The following CMSS1 variants were observed in gnomAD, a reference collection of about 807,000 sequenced individuals.
The protein encoded by CMSS1 is cms1 ribosomal small subunit homolog.
In CMSS1, 33 loss-of-function variants were observed where a neutral mutation model predicts 43.5. The observed-to-expected ratio is 0.76, with a 90% CI of 0.57 to 1.01. The LOEUF (loss-of-function observed/expected upper bound fraction) is 1.01. Ranked by LOEUF, CMSS1 falls within the 50% of genes least tolerant of loss-of-function variation. CMSS1 has a pLI of 0.00. For missense variants in CMSS1, 313 were observed against 326.4 expected, an observed-to-expected ratio of 0.96 and a Z score of 0.32; for synonymous variants, 115 against 117.2, an observed-to-expected ratio of 0.98 and a Z score of 0.12.
In CMSS1 at chr3:100,062,134, C is replaced by T. The variant is rs1244285930; in HGVS notation, c.65-84839C>T. 8.5e-5 allele frequency among the ~76,000 whole-genome samples: 6 copies of T among 70,900 alleles called. 1 individual carries two copies. The highest frequency in any genetic ancestry group is 3.8e-4 in the Admixed American group (2 of 5,258). 46.5% of individuals were successfully genotyped at this position (70,900 alleles called of 152,430 possible). ...TTTTTTTTTTTTTTTTTTTTTGAGACGGAGTGTTGCTCTGTCCCCCAGGCT... is the reference window on the plus strand; with the variant it reads ...TTTTTTTTTTTTTTTTTTTTTGAGATGGAGTGTTGCTCTGTCCCCCAGGCT... On this transcript the variant is annotated intron_variant, in intron 1 of 9. Transcript: ENST00000421999.
chr3:99,995,639 G>C (rs1195919563), intron 1 of CMSS1, among the ~76,000 whole-genome samples: 1 of 152,218 alleles, frequency 6.6e-6, no homozygotes, highest in Non-Finnish European at 1.5e-5. Context: ...GCAAACTTCT[G>C]CCTGGGCATC....
chr3:100,037,975 G>T (rs1214338304), intron 1 of CMSS1, among the ~76,000 whole-genome samples: 1 of 141,648 alleles, frequency 7.1e-6, no homozygotes, highest in East Asian at 2.1e-4. Context: ...AGGGAACAGA[G>T]TCTCAAATCT....
At chr3:100,137,889 A>G (rs1355040693) in intron 1 of CMSS1, among the ~76,000 whole-genome samples, 1 of 152,146 alleles carries the variant, frequency 6.6e-6, no homozygotes, top group Non-Finnish European at 1.5e-5. Flanking sequence ...TTTAAAACAC[A>G]AGTTTATGAC....
At chr3:100,012,530 G>A (rs1330971648) in intron 1 of CMSS1, among the ~76,000 whole-genome samples, 2 of 151,910 alleles carry the variant, frequency 1.3e-5, no homozygotes, top group Non-Finnish European at 2.9e-5. Flanking sequence ...AGAAACTTAT[G>A]GGAATAAGAA....
intron 1 of CMSS1, among the ~76,000 whole-genome samples, chr3:99,902,731 A>T (rs1160341861): frequency 6.6e-6 from 1 of 152,198 alleles, no homozygotes; most frequent in East Asian, 1.9e-4. Context: ...AAAATCAGGC[A>T]TATCCATGTT....
At chr3:99,874,648 G>C (rs793500) in intron 1 of CMSS1, among the ~76,000 whole-genome samples, 151,697 of 152,352 alleles carry the variant, frequency 1, 75,522 homozygotes, top group Middle Eastern at 1. Flanking sequence ...CAAAAAAACT[G>C]CTATGAGGCA....
intron 1 of CMSS1, among the ~76,000 whole-genome samples, chr3:100,019,922 G>A (rs2064777161): frequency 6.6e-6 from 1 of 152,142 alleles, no homozygotes; most frequent in Non-Finnish European, 1.5e-5. Flanking sequence ...TGGCTAGAAT[G>A]AGATTGAGGG....
chr3:100,092,738 AGGTC>A (rs2066132844), intron 1 of CMSS1, among the ~76,000 whole-genome samples: 1 of 150,634 alleles, frequency 6.6e-6, no homozygotes, highest in Non-Finnish European at 1.5e-5. Context: ...ACTTACTCTG[AGGTC>A]CTACCTTGTC....
At chr3:99,930,045 G>A in intron 1 of CMSS1, 1 of 1,586,096 alleles carries the variant, frequency 6.3e-7, no homozygotes, top group Non-Finnish European at 8.6e-7. Flanking sequence ...GGAACAAAAA[G>A]TATTTCAGAA....
In CMSS1 at chr3:100,061,153, A is replaced by T. The variant is rs551516862; in HGVS notation, c.65-85820A>T. ...CTGTTAAAATTTAAAAAAAAAAAAA[A>T]TTTTAAAAGGAAGGAAGGGTACAAT... is the stretch of plus-strand genomic sequence containing the variant. On this transcript the variant is annotated intron_variant, in intron 1 of 9. Coordinates refer to ENST00000421999, the MANE Select transcript of CMSS1 (RefSeq NM_032359.4). Among the ~76,000 whole-genome samples, 736 of 152,240 alleles carry T rather than the reference A, an allele frequency of 4.8e-3. 2 individuals carry two copies. The highest frequency in any genetic ancestry group is 7.1e-3 in the South Asian group (34 of 4,818).
intron 1 of CMSS1, among the ~76,000 whole-genome samples, chr3:100,054,850 A>C (rs139378158): frequency 4.6e-5 from 7 of 152,306 alleles, no homozygotes; most frequent in Admixed American, 2.0e-4. Flanking sequence ...TTCAGATGCA[A>C]AAACTGAAAT....
In CMSS1 at chr3:100,064,213, G is replaced by A. The variant is rs749342410; in HGVS notation, c.65-82760G>A. 3.4e-4 allele frequency among the ~76,000 whole-genome samples: 52 copies of A among 152,286 alleles called. 1 individual carries two copies. Among genetic ancestry groups the A allele is most frequent in the Non-Finnish European group, 6.2e-4 (42 of 68,024 alleles). On this transcript the variant is annotated intron_variant, in intron 1 of 9. Transcript: ENST00000421999. ...TCTTCCGGGAATGTATTTAGGACGT[G>A]TGGTGGATTGGGAAAGAGGAGGATG... is the stretch of plus-strand genomic sequence containing the variant.
At chr3:99,947,441 C>T (rs1708045391) in intron 1 of CMSS1, among the ~76,000 whole-genome samples, 1 of 152,104 alleles carries the variant, frequency 6.6e-6, no homozygotes, top group South Asian at 2.1e-4. Context: ...TTTAGTTAAC[C>T]ACTCTCCAGT....
chr3:99,832,589 T>G (rs1942716206), intron 1 of CMSS1, among the ~76,000 whole-genome samples: 1 of 133,590 alleles, frequency 7.5e-6, no homozygotes, highest in Non-Finnish European at 1.6e-5. Context: ...ATACCTGTAA[T>G]CCCAGCACTT....
chr3:99,950,399 G>C (rs1653768532), intron 1 of CMSS1, among the ~76,000 whole-genome samples: 1 of 152,154 alleles, frequency 6.6e-6, no homozygotes, highest in African/African-American at 2.4e-5. Flanking sequence ...TCAGAACTTA[G>C]AAAAGTTAAG....
chr3:100,013,261 T>TTGTTGTTG (rs1559725244), intron 1 of CMSS1, among the ~76,000 whole-genome samples: 2 of 132,142 alleles, frequency 1.5e-5, no homozygotes, highest in East Asian at 4.7e-4. Context: ...TGTTGTTGTT[T>TTGTTGTTG]GAGATGGAGT....
chr3:99,825,770 T>A (rs1355825907), intron 1 of CMSS1, among the ~76,000 whole-genome samples: 2 of 147,832 alleles, frequency 1.4e-5, no homozygotes, highest in East Asian at 3.9e-4. Flanking sequence ...TCTTTTTTTC[T>A]TTTTCTTTTT....
At chr3:100,105,878 CA>C (rs1321661162) in intron 1 of CMSS1, among the ~76,000 whole-genome samples, 7 of 152,136 alleles carry the variant, frequency 4.6e-5, no homozygotes, top group African/African-American at 1.7e-4. Context: ...CTCTGTTTAT[CA>C]AACAAAAACT....
rs553873058 is a variant in CMSS1, at chr3:100,145,156, T to C, written c.65-1817T>C. ...TGCTACACACTTAAGAGTATACATA[T>C]TAGGCTGGGTATGGTGGCTCATGCC... On this transcript the variant is annotated intron_variant, in intron 1 of 9. Transcript: ENST00000421999. Among the ~76,000 whole-genome samples the C allele has an allele frequency of 2.0e-5, 3 of 152,244 alleles. No homozygotes were observed. The East Asian group carries it at 5.8e-4, about 29-fold the overall frequency.
Sources: allele counts gnomAD v4.1 joint callset (sites outside exome capture counted in the v4.1 genomes callset), GRCh38; gene constraint gnomAD v4.1.1; transcripts MANE v1.5; gene names NCBI Gene and HGNC (gene_info 2026-07-23, HGNC 2026-07-21).